Variants in CFAP299 observed in about 807,000 individuals in gnomAD.
The protein encoded by CFAP299 is cilia and flagella associated protein 299.
In CFAP299, 21 loss-of-function variants were observed where a neutral mutation model predicts 27.0. The ratio of observed to expected loss-of-function variants is 0.78; its 90% CI spans 0.55 to 1.12. The LOEUF is 1.12. Among genes scored for constraint, CFAP299 ranks in the 50% most tolerant of loss-of-function variants. The probability of loss-of-function intolerance (pLI) is 0.00; values close to 1 mark genes in which losing one functional copy is unlikely to be tolerated. For missense variants in CFAP299, 310 were observed against 276.6 expected (o/e 1.12, Z -0.86); for synonymous variants, 104 against 98.1 (o/e 1.06, Z -0.36).
chr4:80,409,177 G>A (rs1726587013), intron 2 of CFAP299, among the ~76,000 whole-genome samples: 1 of 151,874 alleles, frequency 6.6e-6, no homozygotes, highest in Admixed American at 6.6e-5. Flanking sequence ...AACAGAGAAA[G>A]AAAAAAATGA....
In CFAP299 at chr4:80,714,943, C is replaced by A. The variant is rs182099452; in HGVS notation, c.333+131760C>A. ...AAAAAATATCAATTCTGACACATGA[C>A]AATTTCTTATAATTGCATTTAATCA... On this transcript the variant is annotated intron_variant, in intron 3 of 5. Transcript: ENST00000358105. 3.3e-5 allele frequency among the ~76,000 whole-genome samples: 5 copies of A among 152,150 alleles called. 1 individual carries two copies. In the East Asian group the frequency reaches 9.6e-4, roughly 29 times the overall value.
chr4:80,959,462 A>G (rs560180806), intron 5 of CFAP299, among the ~76,000 whole-genome samples: 26 of 152,210 alleles, frequency 1.7e-4, no homozygotes, highest in Middle Eastern at 3.4e-3. Flanking sequence ...AAGAATTACA[A>G]TCATTATTTT....
intron 2 of CFAP299, among the ~76,000 whole-genome samples, chr4:80,558,362 G>GC (rs1734882001): frequency 8.0e-6 from 1 of 125,388 alleles, no homozygotes; most frequent in Admixed American, 7.9e-5. Context: ...TTGTTTGTTT[G>GC]TTTGTTTTTT....
chr4:80,357,943 T>A (rs1447380571), intron 1 of CFAP299, among the ~76,000 whole-genome samples: 2 of 152,160 alleles, frequency 1.3e-5, no homozygotes, highest in Non-Finnish European at 2.9e-5. Flanking sequence ...TTGTTAACTT[T>A]AAATTTTTCC....
chr4:80,944,693 A>T, intron 4 of CFAP299, 117 bp from the exon 5 acceptor site: 1 of 695,262 alleles, frequency 1.4e-6, no homozygotes, highest in Non-Finnish European at 2.4e-6. Flanking sequence ...ACATGGTTGT[A>T]TGGCATGTTT....
intron 1 of CFAP299, among the ~76,000 whole-genome samples, chr4:80,346,847 T>C (rs1451466437): frequency 6.6e-6 from 1 of 152,240 alleles, no homozygotes; most frequent in Non-Finnish European, 1.5e-5. Flanking sequence ...ACATTGAATC[T>C]ATAAATTACC....
chr4:80,531,747 GTTTTT>G (rs200507684), intron 2 of CFAP299, among the ~76,000 whole-genome samples: 1 of 116,488 alleles, frequency 8.6e-6, no homozygotes, highest in South Asian at 2.7e-4. Flanking sequence ...TAAGATAGAA[GTTTTT>G]TTTTTTTTTT....
chr4:80,616,122 T>C (rs564912436), intron 3 of CFAP299, among the ~76,000 whole-genome samples: 88 of 152,296 alleles, frequency 5.8e-4, no homozygotes, highest in Admixed American at 1.7e-3. Flanking sequence ...TATCACAGGC[T>C]GTTTCCATGT....
chr4:80,838,695 G>C (rs570584695), intron 3 of CFAP299, among the ~76,000 whole-genome samples: 1 of 152,080 alleles, frequency 6.6e-6, no homozygotes, highest in Admixed American at 6.6e-5. Context: ...GTCAGGTAGT[G>C]TGATGCCTCC....
chr4:80,542,517 G>A (rs1334066022), intron 2 of CFAP299, among the ~76,000 whole-genome samples: 1 of 152,156 alleles, frequency 6.6e-6, no homozygotes, highest in African/African-American at 2.4e-5. Context: ...GTACCAGAAT[G>A]CATTCCAAGC....
chr4:80,540,804 G>C (rs930325842), intron 2 of CFAP299, among the ~76,000 whole-genome samples: 37 of 152,130 alleles, frequency 2.4e-4, no homozygotes, highest in African/African-American at 8.7e-4. Flanking sequence ...AGAACTCTTA[G>C]TATGTCACAA....
chr4:80,498,392 A>G (rs1731564834), intron 2 of CFAP299, among the ~76,000 whole-genome samples: 1 of 152,180 alleles, frequency 6.6e-6, no homozygotes, highest in South Asian at 2.1e-4. Flanking sequence ...ACTTAAACAA[A>G]TTAACAAGCA....
At chr4:80,550,502 A>G (rs1191345733) in intron 2 of CFAP299, among the ~76,000 whole-genome samples, 1 of 152,016 alleles carries the variant, frequency 6.6e-6, no homozygotes, top group East Asian at 1.9e-4. Flanking sequence ...TCAGTCTTAA[A>G]TGTCTTTAGA....
chr4:80,729,143 T>C (rs1449791975), intron 3 of CFAP299, among the ~76,000 whole-genome samples: 1 of 152,214 alleles, frequency 6.6e-6, no homozygotes, highest in African/African-American at 2.4e-5. Flanking sequence ...ATCCACGCAA[T>C]TGAGGCCACC....
chr4:80,393,970 C>T (rs573864820), intron 2 of CFAP299, among the ~76,000 whole-genome samples: 2 of 152,218 alleles, frequency 1.3e-5, no homozygotes, highest in Admixed American at 6.5e-5. Context: ...GGCGGCTTCC[C>T]CCATTCTGTT....
chr4:80,702,116 T>A (rs1721528754), intron 3 of CFAP299, among the ~76,000 whole-genome samples: 2 of 151,810 alleles, frequency 1.3e-5, no homozygotes, highest in Non-Finnish European at 2.9e-5. Context: ...AAGAAATGCA[T>A]AAATATATTT....
At chr4:80,695,663 T>TC (rs903198021) in intron 3 of CFAP299, among the ~76,000 whole-genome samples, 8 of 141,676 alleles carry the variant, frequency 5.6e-5, no homozygotes, top group African/African-American at 2.0e-4. Context: ...TATGATCTTA[T>TC]CCTTATCATC....
chr4:80,796,571 T>C (rs1026940345), intron 3 of CFAP299, among the ~76,000 whole-genome samples: 2 of 152,108 alleles, frequency 1.3e-5, no homozygotes, highest in Non-Finnish European at 2.9e-5. Context: ...TTATGGACAG[T>C]AATGGAGAAA....
Position 80,963,518 on chromosome 4 carries a change from C to T in CFAP299, c.608C>T (p.Ala203Val), listed in dbSNP as rs200295695. The T allele has an allele frequency of 2.3e-5, 37 of 1,581,850 alleles. No homozygotes were observed. Among genetic ancestry groups the T allele is most frequent in the Non-Finnish European group, 2.9e-5 (34 of 1,163,386 alleles). The change falls in exon 6 of 6, where the codon GCG becomes GTG. Residue 203 changes from alanine to valine, a missense_variant and splice_region_variant. By Grantham distance (64) the Ala-to-Val change is moderately conservative (BLOSUM62 0). Coordinates refer to ENST00000358105, the MANE Select transcript of CFAP299 (RefSeq NM_152770.3). ...AACAATGTAATTTATGTATTTTAGG[C>T]GCAGCCAGGTGACAACTCTACTAGA... ...DRKILNVDPK[A>V]QPGDNSTRIT...
Sources: gnomAD v4.1 joint callset for allele counts (sites outside exome capture counted in the v4.1 genomes callset) on GRCh38, gnomAD v4.1.1 for gene constraint, MANE v1.5 for transcripts, NCBI Gene and HGNC (gene_info 2026-07-23, HGNC 2026-07-21) for gene names.